Variants in SNED1 observed in about 807,000 individuals in gnomAD.
SNED1 encodes sushi, nidogen and EGF-like domain-containing protein 1.
In SNED1, 81 loss-of-function variants were observed where a neutral mutation model predicts 166.7. The ratio of observed to expected loss-of-function variants is 0.49; its 90% CI spans 0.41 to 0.58. The LOEUF (loss-of-function observed/expected upper bound fraction) is 0.58, where lower values mean the gene tolerates loss of function less well. Among genes scored for constraint, SNED1 ranks in the 20% least tolerant of loss-of-function variants. The probability of loss-of-function intolerance (pLI) is 0.00; values close to 1 mark genes in which losing one functional copy is unlikely to be tolerated. For missense variants in SNED1, 1,604 were observed against 2,000.2 expected (o/e 0.80, Z 3.78); for synonymous variants, 762 against 822.0 (o/e 0.93, Z 1.25).
chr2:241,053,886 C>T (rs557389317), intron 16 of SNED1, among the ~76,000 whole-genome samples: 16 of 152,340 alleles, frequency 1.1e-4, no homozygotes, highest in Admixed American at 8.5e-4. Flanking sequence ...GCAGGTGCAT[C>T]GCATTATGCC....
At chr2:241,087,625 T>C in intron 30 of SNED1, 150 bp downstream of exon 30, 1 of 1,440,198 alleles carries the variant, frequency 6.9e-7, no homozygotes, top group Non-Finnish European at 9.1e-7. Context: ...AGCCACGTTC[T>C]GCTACGAAAC....
chr2:241,077,459 A>T (rs1335614629), intron 27 of SNED1, among the ~76,000 whole-genome samples: 2 of 152,194 alleles, frequency 1.3e-5, no homozygotes, highest in South Asian at 2.1e-4. Context: ...GCCTCAAAGG[A>T]TGCCATCAAG....
intron 1 of SNED1, among the ~76,000 whole-genome samples, chr2:241,021,437 T>C: frequency 6.6e-6 from 1 of 152,216 alleles, no homozygotes; most frequent in Non-Finnish European, 1.5e-5. Context: ...CCTTTAGCCC[T>C]CACACCCCAG....
chr2:241,078,592 T>C (rs1282009839), intron 27 of SNED1, among the ~76,000 whole-genome samples: 3 of 151,412 alleles, frequency 2.0e-5, no homozygotes, highest in Admixed American at 6.6e-5. Context: ...CAGAGGGAGC[T>C]CTCTAGTGAC....
chr2:241,037,156 C>G (rs1181812963), intron 5 of SNED1, 84 bp from the exon 6 acceptor site: 1 of 1,238,778 alleles, frequency 8.1e-7, no homozygotes, highest in African/African-American at 1.5e-5. Context: ...GCTCCTCCTC[C>G]GTCCCCGGCC....
At position 241,048,723 on chromosome 2, in the gene SNED1, C is replaced by T; in HGVS notation, c.1461C>T (p.Leu487=). ...GGRCLGANTT[L]CQCPLGFFGL... ...GATGCCTGGGCGCCAACACCACCCT[C>T]TGCCAGTGCCCCCTGGGATTCTTTG... Residue 487 remains leucine (L), a synonymous_variant, in exon 10 of 32, where the codon CTC becomes CTT. Coordinates refer to ENST00000310397, the MANE Select transcript of SNED1 (RefSeq NM_001080437.3). The T allele has an allele frequency of 1.2e-6, 2 of 1,612,988 alleles. No homozygotes were observed. The highest frequency in any genetic ancestry group is 1.7e-6 in the Non-Finnish European group (2 of 1,179,584).
At position 241,087,399 on chromosome 2, in the gene SNED1, A is replaced by G. The variant is rs1277018676; in HGVS notation, c.4129A>G (p.Arg1377Gly). 1 of 1,598,458 alleles carries G rather than the reference A, an allele frequency of 6.3e-7. No individual in the cohort carries two copies. Among genetic ancestry groups the G allele is most frequent in the Non-Finnish European group, 8.5e-7 (1 of 1,172,500 alleles). Reference sequence around the variant, plus strand: ...GCTTTCTTGTGACAACAGGTATAAAAGAGTCTACCGAGTTCACCAAGACAT... The same window carrying G: ...GCTTTCTTGTGACAACAGGTATAAAGGAGTCTACCGAGTTCACCAAGACAT... ...EGGVCHHVYK[R>G]VYRVHQDICF... The change falls in exon 30 of 32, where the codon AGA (arginine) becomes GGA (glycine). Residue 1377 changes from arginine (R) to glycine (G), a missense_variant. Coordinates refer to ENST00000310397, the MANE Select transcript of SNED1 (RefSeq NM_001080437.3).
At chr2:241,039,306 G>A (rs2061458815) in intron 6 of SNED1, among the ~76,000 whole-genome samples, 1 of 152,176 alleles carries the variant, frequency 6.6e-6, no homozygotes, top group Non-Finnish European at 1.5e-5. Context: ...AGGCCCTCCT[G>A]TCTCCTTCCT....
intron 1 of SNED1, among the ~76,000 whole-genome samples, chr2:241,024,477 G>A (rs535033162): frequency 1.0e-3 from 158 of 150,648 alleles, no homozygotes; most frequent in Non-Finnish European, 1.9e-3. Flanking sequence ...TTGAACTCCT[G>A]ACCTTGTGAT....
chr2:241,032,509 T>C (rs1037427346), intron 2 of SNED1, among the ~76,000 whole-genome samples: 8 of 150,258 alleles, frequency 5.3e-5, no homozygotes, highest in South Asian at 2.1e-4. Context: ...GGGGGAGGGA[T>C]AGCATTAGGA....
chr2:241,012,086 A>G (rs2060426055), intron 1 of SNED1, among the ~76,000 whole-genome samples: 1 of 152,226 alleles, frequency 6.6e-6, no homozygotes, highest in African/African-American at 2.4e-5. Flanking sequence ...AACTCAGGGC[A>G]GCGGCTCAGG....
At position 241,012,145 on chromosome 2, in the gene SNED1, C is replaced by T. The variant is rs561254192; in HGVS notation, c.213+13095C>T. Among the ~76,000 whole-genome samples, 7 of 152,246 alleles carry T rather than the reference C, an allele frequency of 4.6e-5. No individual in the cohort carries two copies. The East Asian group carries it at 9.7e-4, about 21-fold the overall frequency. On this transcript the variant is annotated intron_variant, in intron 1 of 31. Transcript: ENST00000310397. ...CTAAGGAAGAGCATGGGGGGTGCGG[C>T]GAGGGGCAGAGCAGGGAGGTCCCCC...
At chr2:241,076,021 C>T (rs530397489) in intron 27 of SNED1, among the ~76,000 whole-genome samples, 32 of 152,332 alleles carry the variant, frequency 2.1e-4, no homozygotes, top group African/African-American at 6.7e-4. Flanking sequence ...ACATCTGTGC[C>T]AATACTGCCC....
In SNED1 at chr2:241,010,925, G is replaced by A. The variant is rs553787421; in HGVS notation, c.213+11875G>A. On this transcript the variant is annotated intron_variant, in intron 1 of 31. Transcript: ENST00000310397. Reference sequence around the variant, plus strand: ...GCCGGGACCCCAAAGGAGACCAGACGGTGGCCACGGGGAGGCCCTGGACGA... The same window carrying A: ...GCCGGGACCCCAAAGGAGACCAGACAGTGGCCACGGGGAGGCCCTGGACGA... Among the ~76,000 whole-genome samples the A allele has an allele frequency of 1.6e-4, 24 of 152,306 alleles. No individual in the cohort carries two copies. In the South Asian group the frequency reaches 3.7e-3, roughly 24 times the overall value.
Position 241,000,281 on chromosome 2 carries a change from G to A in SNED1, c.213+1231G>A, listed in dbSNP as rs578030871. ...CACAACTGCCAACACCATCCACAGC[G>A]CCCACTGCGTTTTCCACACCTGCTC... On this transcript the variant is annotated intron_variant, in intron 1 of 31. Transcript: ENST00000310397. Among the ~76,000 whole-genome samples, 77 of 152,152 alleles carry A rather than the reference G, an allele frequency of 5.1e-4. 1 individual carries two copies. In the South Asian group the frequency reaches 0.015, roughly 29 times the overall value.
intron 17 of SNED1, 90 bp from the exon 18 acceptor site, chr2:241,063,497 T>C (rs1162041395): frequency 1.2e-6 from 1 of 854,610 alleles, no homozygotes; most frequent in Non-Finnish European, 2.0e-6. Flanking sequence ...AAGGGGTAAC[T>C]GAAGCCCCAG....
rs1294344607 is a variant in SNED1, at chr2:241,094,595, A to AC, written c.*2961dup. 1 of 352,824 alleles carries AC rather than the reference A, an allele frequency of 2.8e-6. No homozygotes were observed. The highest frequency in any genetic ancestry group is 2.2e-5 in the African/African-American group (1 of 46,478). 21.9% of individuals were successfully genotyped at this position (352,824 alleles called of 1,614,324 possible). ...AAATAATACGATCCTAAGTCCATTT[A>AC]CCATCTGAAGTTGTCACGAGTGAAC... is the stretch of plus-strand genomic sequence containing the variant. On this transcript the variant is annotated 3_prime_UTR_variant, in exon 32 of 32. Coordinates refer to ENST00000310397, the MANE Select transcript of SNED1 (RefSeq NM_001080437.3). This position sits in a 1 kb window ranked among gnomAD's most constrained non-coding sequence, Gnocchi z 4.3.
chr2:241,014,931 AC>A (rs906992965), intron 1 of SNED1, among the ~76,000 whole-genome samples: 3 of 151,668 alleles, frequency 2.0e-5, no homozygotes, highest in Admixed American at 6.6e-5. Flanking sequence ...CTCCCCACAC[AC>A]CCCCAGCGCC....
chr2:241,075,403 C>G lies in SNED1; in HGVS notation c.3916+2039C>G, dbSNP rs1301760299. On this transcript the variant is annotated intron_variant, in intron 27 of 31. Transcript: ENST00000310397. The surrounding 1 kb of genome is among the most constrained non-coding windows in gnomAD (Gnocchi z 4.8). ...CTAGGTTTTGCCGGGTTTGCAGATC[C>G]TACAGGCAGAACGGGTGGGATGCAC... is the stretch of plus-strand genomic sequence containing the variant. 1 of 152,186 alleles carries G rather than the reference C, an allele frequency of 6.6e-6. No individual in the cohort carries two copies. Among genetic ancestry groups the G allele is most frequent in the African/African-American group, 2.4e-5 (1 of 41,416 alleles). The allele number at this position is 152,186 out of a possible 1,614,324, so 9.4% of individuals were successfully genotyped here.
Sources: gnomAD v4.1 joint callset for allele counts (sites outside exome capture counted in the v4.1 genomes callset) on GRCh38, gnomAD v4.1.1 for gene constraint, Gnocchi (gnomAD v3.1) non-coding constraint, MANE v1.5 for transcripts, NCBI Gene and HGNC (gene_info 2026-07-23, HGNC 2026-07-21) for gene names.